The following PCDH7 variants were observed in gnomAD, a reference collection of about 807,000 sequenced individuals.
The protein encoded by PCDH7 is protocadherin 7.
In PCDH7, 17 loss-of-function variants were observed where a neutral mutation model predicts 58.9. The ratio of observed to expected loss-of-function variants is 0.29; its 90% CI spans 0.20 to 0.43. The LOEUF is 0.43. Ranked by LOEUF, PCDH7 falls within the 20% of genes least tolerant of loss-of-function variation. The pLI is 1.00. For synonymous variants in PCDH7, 664 were observed against 616.4 expected (o/e 1.08, Z -1.14); for missense variants, 1,274 against 1,441.0 (o/e 0.88, Z 1.88).
At chr4:31,038,082 A>G (rs1021150335) in intron 3 of PCDH7, among the ~76,000 whole-genome samples, 1 of 152,252 alleles carries the variant, frequency 6.6e-6, no homozygotes, top group Non-Finnish European at 1.5e-5. Flanking sequence ...CAATTCTAGA[A>G]TTATGGCTAA....
intron 3 of PCDH7, among the ~76,000 whole-genome samples, chr4:31,119,259 A>G (rs1717360545): frequency 1.3e-5 from 2 of 152,268 alleles, no homozygotes; most frequent in Non-Finnish European, 2.9e-5. Context: ...CAACCTGCCC[A>G]TACCTGTAAA....
chr4:31,114,829 C>T (rs550735580), intron 3 of PCDH7, among the ~76,000 whole-genome samples: 1 of 152,240 alleles, frequency 6.6e-6, no homozygotes, highest in South Asian at 2.1e-4. Flanking sequence ...TGAGAGCTAT[C>T]TTTCAAAGAC....
intron 3 of PCDH7, among the ~76,000 whole-genome samples, chr4:31,016,777 G>A (rs968785889): frequency 8.6e-5 from 13 of 151,772 alleles, no homozygotes; most frequent in African/African-American, 3.1e-4. Flanking sequence ...TTGAGTATAA[G>A]GGCTATTGTG....
intron 1 of PCDH7, among the ~76,000 whole-genome samples, chr4:30,913,853 C>T (rs1434920892): frequency 6.6e-6 from 1 of 152,160 alleles, no homozygotes; most frequent in Non-Finnish European, 1.5e-5. Flanking sequence ...CTACCCAGTG[C>T]AAATGCATTT....
At chr4:31,013,901 G>T (rs1357016894) in intron 3 of PCDH7, among the ~76,000 whole-genome samples, 1 of 152,022 alleles carries the variant, frequency 6.6e-6, no homozygotes, top group Non-Finnish European at 1.5e-5. Flanking sequence ...CCTGTAAGTG[G>T]AACATATTTT....
At chr4:30,740,085 G>A (rs1364964007) in intron 1 of PCDH7, among the ~76,000 whole-genome samples, 1 of 152,182 alleles carries the variant, frequency 6.6e-6, no homozygotes, top group Non-Finnish European at 1.5e-5. Flanking sequence ...GCAGCGTTAA[G>A]TAACTTGCTC....
intron 3 of PCDH7, among the ~76,000 whole-genome samples, chr4:31,088,070 C>T (rs189393231): frequency 1.3e-5 from 2 of 151,856 alleles, no homozygotes; most frequent in Non-Finnish European, 2.9e-5. Flanking sequence ...TAAATTGATT[C>T]GAAATTGGAA....
chr4:31,049,869 C>T (rs187193585), intron 3 of PCDH7, among the ~76,000 whole-genome samples: 2 of 152,132 alleles, frequency 1.3e-5, no homozygotes, highest in African/African-American at 4.8e-5. Flanking sequence ...GGCTTAGGCC[C>T]AAATCAAATG....
chr4:30,909,578 T>A (rs1386844771), intron 1 of PCDH7, among the ~76,000 whole-genome samples: 1 of 152,158 alleles, frequency 6.6e-6, no homozygotes, highest in Non-Finnish European at 1.5e-5. Context: ...CATTTGCAAT[T>A]GCTACAAAGA....
At chr4:30,740,683 G>A (rs530893239) in intron 1 of PCDH7, among the ~76,000 whole-genome samples, 1 of 150,772 alleles carries the variant, frequency 6.6e-6, no homozygotes, top group African/African-American at 2.4e-5. Context: ...TTCTCTTGAG[G>A]TTTTTTTTTA....
intron 3 of PCDH7, among the ~76,000 whole-genome samples, chr4:31,067,491 G>A (rs1758181472): frequency 6.6e-6 from 1 of 151,768 alleles, no homozygotes; most frequent in Non-Finnish European, 1.5e-5. Flanking sequence ...TGAGGATCGT[G>A]CCAGTGGTAT....
intron 3 of PCDH7, among the ~76,000 whole-genome samples, chr4:31,027,421 T>A (rs141451819): frequency 0.018 from 2,718 of 152,082 alleles, 33 homozygotes; most frequent in Non-Finnish European, 0.025. Flanking sequence ...TTATTATATT[T>A]TATTTTATTT....
chr4:30,747,570 CTAG>C (rs1446910086), intron 1 of PCDH7, among the ~76,000 whole-genome samples: 1 of 152,212 alleles, frequency 6.6e-6, no homozygotes, highest in African/African-American at 2.4e-5. Context: ...CCAGGAATGG[CTAG>C]TAGAATTTTT....
At chr4:30,833,902 A>T (rs899850657) in intron 1 of PCDH7, among the ~76,000 whole-genome samples, 3 of 152,204 alleles carry the variant, frequency 2.0e-5, no homozygotes, top group African/African-American at 7.2e-5. Context: ...AAGGAAGGAC[A>T]AGAGAGTTGT....
downstream of PCDH7, among the ~76,000 whole-genome samples, chr4:30,733,855 TAGA>T (rs1309458298): frequency 1.3e-4 from 20 of 152,212 alleles, no homozygotes; most frequent in African/African-American, 4.8e-4. Context: ...TTTTGGAATA[TAGA>T]AGAATTCCTT....
At chr4:30,948,809 G>C (rs138975925) in intron 2 of PCDH7, among the ~76,000 whole-genome samples, 2 of 152,070 alleles carry the variant, frequency 1.3e-5, no homozygotes, top group African/African-American at 4.8e-5. Flanking sequence ...CCTTAGGTGG[G>C]TCATGTTATT....
intron 3 of PCDH7, among the ~76,000 whole-genome samples, chr4:31,102,842 A>T (rs1242341854): frequency 1.3e-5 from 2 of 152,122 alleles, no homozygotes; most frequent in East Asian, 3.8e-4. Flanking sequence ...ATAACAACCT[A>T]CCTTTTAGAG....
chr4:30,926,880 CA>C lies in PCDH7; in HGVS notation c.287+6512del, dbSNP rs1312880026. ...AAGTGCTGCAAATTATTCACATTAA[CA>C]GGGAAAATTAGCTGAAAATAATGTC... is the stretch of plus-strand genomic sequence containing the variant. On this transcript the variant is annotated intron_variant, in intron 2 of 3. Coordinates refer to the PCDH7 transcript ENST00000509759. Among the ~76,000 whole-genome samples, 16 of 152,298 alleles carry C rather than the reference CA, an allele frequency of 1.1e-4. 1 individual carries two copies. The East Asian group carries it at 2.9e-3, about 28-fold the overall frequency.
intron 1 of PCDH7, among the ~76,000 whole-genome samples, chr4:30,804,996 C>A (rs1197090739): frequency 1.3e-5 from 2 of 152,174 alleles, no homozygotes; most frequent in Non-Finnish European, 2.9e-5. Context: ...GGCACAAGGT[C>A]TCTTTTGCTG....
Sources: gnomAD v4.1 joint callset for allele counts (sites outside exome capture counted in the v4.1 genomes callset) on GRCh38, gnomAD v4.1.1 for gene constraint, MANE v1.5 for transcripts, NCBI Gene and HGNC (gene_info 2026-07-23, HGNC 2026-07-21) for gene names.